Variants in POMT1 observed in about 807,000 individuals in gnomAD.
POMT1 encodes protein O-mannosyltransferase 1, also known as protein O-mannosyl-transferase 1.
A neutral mutation model predicts 101.6 loss-of-function variants in POMT1; 85 were observed. That is an observed-to-expected ratio of 0.84 (90% CI 0.70 to 1.00). The LOEUF is 1.00. Among genes scored for constraint, POMT1 ranks in the 50% least tolerant of loss-of-function variants. The pLI is 0.00. For synonymous variants in POMT1, 371 were observed against 383.0 expected (o/e 0.97, Z 0.37); for missense variants, 857 against 930.4 (o/e 0.92, Z 1.03).
intron 13 of POMT1, 60 bp from the exon 14 acceptor site, chr9:131,518,385 T>C: frequency 7.0e-7 from 1 of 1,425,082 alleles, no homozygotes; most frequent in Non-Finnish European, 9.9e-7. Context: ...CAGGTCTTTA[T>C]TTTTACATTG....
Position 131,518,498 on chromosome 9 carries a change from G to T in POMT1, c.1326G>T (p.Glu442Asp), listed in dbSNP as rs764970702. ...DTDVWKTILS[E>D]VRFVHVNTSA... is the part of the protein sequence containing the mutation. ...ACGTCTGGAAGACCATCCTCTCAGA[G>T]GTCCGCTTTGTGCACGTGAACACTT... Residue 442 changes from glutamate (E) to aspartate (D), a missense_variant, in exon 14 of 20, where the codon GAG becomes GAT. Coordinates refer to ENST00000402686, the MANE Select transcript of POMT1 (RefSeq NM_001077365.2). 5 of 1,613,856 alleles carry T rather than the reference G, an allele frequency of 3.1e-6. No individual in the cohort carries two copies. The Admixed American group carries it at 8.3e-5, about 27-fold the overall frequency.
Position 131,503,955 on chromosome 9 carries a change from G to C in POMT1, c.-30-234G>C, listed in dbSNP as rs969010142. Among the ~76,000 whole-genome samples, 11 of 152,196 alleles carry C rather than the reference G, an allele frequency of 7.2e-5. No individual in the cohort carries two copies. Among genetic ancestry groups the C allele is most frequent in the Non-Finnish European group, 1.5e-4 (10 of 68,038 alleles). On this transcript the variant is annotated intron_variant, in intron 1 of 19. Coordinates refer to ENST00000402686, the MANE Select transcript of POMT1 (RefSeq NM_001077365.2). This position sits in a 1 kb window ranked among gnomAD's most constrained non-coding sequence, Gnocchi z 4.4. ...CTCGGCAGGTTTTGTGGAATGAGTT[G>C]TTGAAAGGAGTGAATGTCCAGTCCT...
intron 9 of POMT1, chr9:131,511,016 C>CGCCGTATCATTAAAAA: frequency 3.5e-6 from 1 of 286,062 alleles, no homozygotes; most frequent in South Asian, 5.0e-5. Flanking sequence ...TTGTTTGGCT[C>CGCCGTATCATTAAAAA]ACCCTAGTCT....
rs527311451 is a variant in POMT1 at position 131,513,950 on chromosome 9, G to A, written c.1175+619G>A. ...GGCTACCTCTCCTGGACTTCCACCC[G>A]GCTGCCCGGGGCTCACCTCCAGCTC... On this transcript the variant is annotated intron_variant, in intron 12 of 19. Transcript: ENST00000402686. Among the ~76,000 whole-genome samples, 12 of 152,220 alleles carry A rather than the reference G, an allele frequency of 7.9e-5. No individual in the cohort carries two copies. The South Asian group carries it at 2.1e-3, about 26-fold the overall frequency.
chr9:131,521,778 CG>C (rs1949971795), intron 18 of POMT1, among the ~76,000 whole-genome samples: 1 of 152,204 alleles, frequency 6.6e-6, no homozygotes, highest in South Asian at 2.1e-4. Flanking sequence ...TCGAGTGCAG[CG>C]TATTGGGCAG....
intron 5 of POMT1, 33 bp downstream of exon 5, chr9:131,507,547 C>T (rs750185448): frequency 1.9e-6 from 3 of 1,612,998 alleles, no homozygotes; most frequent in Non-Finnish European, 2.5e-6. Flanking sequence ...CTCTTGCTGT[C>T]ATGCAGGGAA....
Position 131,523,026 on chromosome 9 carries a change from G to T in POMT1, c.2098G>T (p.Gly700Trp), listed in dbSNP as rs912556508. 1 of 1,610,636 alleles carries T rather than the reference G, an allele frequency of 6.2e-7. No individual in the cohort carries two copies. ...VSNTLRPLTY[G>W]DKSLSPHELK... ...CAACACGCTGCGCCCACTCACCTAC[G>T]GGGACAAGTCACTCTCGCCACATGA... The change falls in exon 20 of 20, where the codon GGG becomes TGG. Residue 700 changes from glycine to tryptophan, a missense_variant. Gly to Trp is a radical substitution (Grantham distance 184). Coordinates refer to ENST00000402686, the MANE Select transcript of POMT1 (RefSeq NM_001077365.2).
chr9:131,509,846 C>G (rs1946708146), intron 7 of POMT1, 38 bp downstream of exon 7: 1 of 1,614,128 alleles, frequency 6.2e-7, no homozygotes, highest in African/African-American at 1.3e-5. Context: ...GTGTCCTCCT[C>G]CATCTCCTTA....
chr9:131,521,361 C>T lies in POMT1; in HGVS notation c.1714C>T (p.Leu572Phe). Residue 572 changes from leucine (L) to phenylalanine (F), a missense_variant, in exon 18 of 20, where the codon CTT becomes TTT. By Grantham distance (22) the Leu-to-Phe change is conservative. Transcript: ENST00000402686. ...HPRTSAQIHL[L>F]GNIVIWVSGS... ...GTTCCCTTAGGCTCAGATCCACCTA[C>T]TTGGAAACATAGTGATCTGGGTTTC... 6.2e-7 allele frequency: 1 copy of T among 1,614,202 alleles called. No homozygotes were observed. Among genetic ancestry groups the T allele is most frequent in the Middle Eastern group, 1.6e-4 (1 of 6,062 alleles).
chr9:131,506,500 G>A (rs774788088), intron 4 of POMT1, 47 bp downstream of exon 4: 5 of 1,542,242 alleles, frequency 3.2e-6, no homozygotes, highest in Non-Finnish European at 3.6e-6. Flanking sequence ...AGGTTAGAAT[G>A]AAGAGATTGT....
intron 11 of POMT1, among the ~76,000 whole-genome samples, chr9:131,512,505 C>A (rs1483545608): frequency 6.6e-6 from 1 of 152,196 alleles, no homozygotes; most frequent in Admixed American, 6.5e-5. Flanking sequence ...GGATTCTGCC[C>A]CCAAACAAGG....
Position 131,522,172 on chromosome 9 carries a change from C to T in POMT1, c.1951C>T (p.Gln651Ter). 6.2e-7 allele frequency: 1 copy of T among 1,614,186 alleles called. No individual in the cohort carries two copies. The highest frequency in any genetic ancestry group is 8.5e-7 in the Non-Finnish European group (1 of 1,180,042). ...CCACTACCTGCCCGCACTCACCTTC[C>T]AAATCCTTCTGCTCCCTGTGGTCCT... ...LYHYLPALTFQILLLPVVLQH... is the reference protein window; with the variant it reads ...LYHYLPALTF The change falls in exon 19 of 20, where the codon CAA becomes TAA. Residue 651 changes from glutamine (Q) to a stop codon, truncating the protein, a stop_gained. Transcript: ENST00000402686. LOFTEE classifies it high-confidence loss of function. The surrounding 1 kb of genome is among the most constrained non-coding windows in gnomAD (Gnocchi z 5.5).
intron 10 of POMT1, 127 bp downstream of exon 10, chr9:131,511,594 G>A: frequency 7.7e-7 from 1 of 1,305,044 alleles, no homozygotes; most frequent in Middle Eastern, 2.6e-4. Flanking sequence ...GAGCAGCCCG[G>A]GTGCTGATTG....
chr9:131,504,416 A>G (rs1270714396), intron 2 of POMT1, 76 bp downstream of exon 2: 6 of 1,607,254 alleles, frequency 3.7e-6, no homozygotes, highest in Non-Finnish European at 5.1e-6. Flanking sequence ...ACTGAATAGC[A>G]TAAATGGGAG....
intron 2 of POMT1, among the ~76,000 whole-genome samples, chr9:131,505,802 C>T (rs937551772): frequency 2.0e-5 from 3 of 152,076 alleles, no homozygotes; most frequent in Non-Finnish European, 4.4e-5. Flanking sequence ...ATTAGCCTTG[C>T]GTCCCAGGAG....
rs767455666 is a variant in POMT1 at position 131,504,331 on chromosome 9, G to A, written c.113G>A (p.Arg38Gln). The A allele has an allele frequency of 6.2e-7, 1 of 1,614,210 alleles. No individual in the cohort carries two copies. The highest frequency in any genetic ancestry group is 1.7e-5 in the Admixed American group (1 of 60,026). ...CGGCTGTGGCGACTCACCTACCCGC[G>A]GGCTGTGGTGTAAGCTAAATGACTC... ...LSRLWRLTYP[R>Q]AVVFDEVYYG... Residue 38 changes from arginine (R) to glutamine (Q), a missense_variant, in exon 2 of 20, where the codon CGG (arginine) becomes CAG (glutamine). Arg to Gln is a conservative substitution (Grantham distance 43). Coordinates refer to ENST00000402686, the MANE Select transcript of POMT1 (RefSeq NM_001077365.2).
chr9:131,513,931 C>G (rs909589831), intron 12 of POMT1, among the ~76,000 whole-genome samples: 2 of 152,242 alleles, frequency 1.3e-5, no homozygotes, highest in Non-Finnish European at 2.9e-5. Context: ...CCGGGGCTAC[C>G]TCTCCTGGAC....
intron 13 of POMT1, among the ~76,000 whole-genome samples, chr9:131,516,155 C>CCCTT (rs1422626146): frequency 5.2e-5 from 1 of 19,052 alleles, no homozygotes; most frequent in Non-Finnish European, 2.2e-4. Context: ...TAACACAGGA[C>CCCTT]ACTCTCACAC....
At chr9:131,506,337 T>G in intron 3 of POMT1, 66 bp from the exon 4 acceptor site, 1 of 1,563,328 alleles carries the variant, frequency 6.4e-7, no homozygotes, top group Admixed American at 1.7e-5. Flanking sequence ...TCTTGTTTAT[T>G]GCTTGCCACA....
Sources: allele counts gnomAD v4.1 joint callset (sites outside exome capture counted in the v4.1 genomes callset), GRCh38; gene constraint gnomAD v4.1.1; non-coding constraint Gnocchi (gnomAD v3.1); transcripts MANE v1.5; gene names NCBI Gene and HGNC (gene_info 2026-07-23, HGNC 2026-07-21).